Variants in KLRC1 observed in about 807,000 individuals in gnomAD.
KLRC1 encodes NKG2-A/NKG2-B type II integral membrane protein.
In KLRC1, 22 loss-of-function variants were observed where a neutral mutation model predicts 25.9. That is an observed-to-expected ratio of 0.85 (90% CI 0.61 to 1.21). KLRC1 has a LOEUF of 1.21. KLRC1 is among the 50% of genes most tolerant of loss of function. The probability of loss-of-function intolerance (pLI) is 0.00; values close to 1 mark genes in which losing one functional copy is unlikely to be tolerated. For synonymous variants in KLRC1, 77 were observed against 93.1 expected (o/e 0.83, Z 0.99); for missense variants, 240 against 272.2 (o/e 0.88, Z 0.83).
At chr12:10,445,970 TA>T (rs1344447922), downstream of KLRC1, 1 of 150,308 alleles carries the variant, frequency 6.7e-6, no homozygotes, top group African/African-American at 2.4e-5. Flanking sequence ...ATAAAGAAGC[TA>T]ATCTTTAAAA....
At chr12:10,451,991 CTT>C (rs986381504) in intron 1 of KLRC1, among the ~76,000 whole-genome samples, 8 of 151,576 alleles carry the variant, frequency 5.3e-5, no homozygotes, top group Admixed American at 3.9e-4. Flanking sequence ...ATTAAATGGT[CTT>C]TTCTTAATGG....
chr12:10,452,355 ATCATT>A (rs1158979475), intron 1 of KLRC1, among the ~76,000 whole-genome samples: 4 of 152,314 alleles, frequency 2.6e-5, no homozygotes, highest in Non-Finnish European at 5.9e-5. Flanking sequence ...ATGTAATTAA[ATCATT>A]TAGTCAATGG....
chr12:10,448,807 A>T (rs2859656), intron 5 of KLRC1, among the ~76,000 whole-genome samples: 2 of 152,378 alleles, frequency 1.3e-5, no homozygotes, highest in Non-Finnish European at 2.9e-5. Flanking sequence ...TATTTATAAC[A>T]TTAAAAGTCA....
chr12:10,443,289 C>T (rs1213676406), downstream of KLRC1, among the ~76,000 whole-genome samples: 7 of 140,350 alleles, frequency 5.0e-5, no homozygotes, highest in South Asian at 6.7e-4. Context: ...CTACTATGTA[C>T]GCACTGAAAT....
downstream of KLRC1, among the ~76,000 whole-genome samples, chr12:10,444,297 A>G (rs1863947217): frequency 6.9e-6 from 1 of 145,722 alleles, no homozygotes; most frequent in Non-Finnish European, 1.5e-5. Flanking sequence ...TAGAGAGAAC[A>G]GCAAGGCCAA....
Position 10,450,994 on chromosome 12 carries a change from T to C in KLRC1, c.163A>G (p.Asn55Asp), listed in dbSNP as rs1864113272. Residue 55 changes from asparagine to aspartate, a missense_variant, in exon 2 of 7, where the codon AAT (asparagine) becomes GAT (aspartate). Asn to Asp is a conservative substitution (Grantham distance 23). Coordinates refer to ENST00000359151, the MANE Select transcript of KLRC1 (RefSeq NM_002259.5). ...CCTTTGCAGTGATAGGTTTTGTCAT[T>C]CCCTTGAAAATCCTGAGAAGCTTTT... The part of the protein sequence containing the change: ...LQKASQDFQG[N>D]DKTYHCKDLP... The C allele has an allele frequency of 6.2e-7, 1 of 1,613,006 alleles. No homozygotes were observed. Among genetic ancestry groups the C allele is most frequent in the East Asian group, 2.2e-5 (1 of 44,860 alleles).
chr12:10,447,488 C>G, intron 6 of KLRC1, 44 bp downstream of exon 6: 1 of 1,397,438 alleles, frequency 7.2e-7, no homozygotes, highest in Non-Finnish European at 9.9e-7. Flanking sequence ...TGAATTTATC[C>G]TTTATATATA....
chr12:10,451,655 C>CA (rs5796395), intron 1 of KLRC1, among the ~76,000 whole-genome samples: 79,874 of 147,600 alleles, frequency 0.54, 23,297 homozygotes, highest in East Asian at 0.65. Flanking sequence ...GACTCCGACT[C>CA]AAAAAAAAAA....
At chr12:10,446,797 C>T in intron 6 of KLRC1, 135 bp from the exon 7 acceptor site, 1 of 1,130,526 alleles carries the variant, frequency 8.8e-7, no homozygotes, top group Non-Finnish European at 1.3e-6. Flanking sequence ...TAGTAAGAGT[C>T]ATTATTCTGA....
intron 5 of KLRC1, among the ~76,000 whole-genome samples, chr12:10,447,834 A>T (rs1380661826): frequency 6.6e-6 from 1 of 152,206 alleles, no homozygotes; most frequent in Non-Finnish European, 1.5e-5. Context: ...TTCTTGCATT[A>T]TAATAGTTAC....
downstream of KLRC1, among the ~76,000 whole-genome samples, chr12:10,445,865 T>C (rs1261499356): frequency 2.6e-5 from 4 of 152,026 alleles, no homozygotes; most frequent in African/African-American, 9.7e-5. Flanking sequence ...CTGTATGACT[T>C]CAATCCCCCA....
At chr12:10,449,810 T>C (rs997066696) in intron 4 of KLRC1, 104 bp downstream of exon 4, 5 of 925,018 alleles carry the variant, frequency 5.4e-6, no homozygotes, top group Middle Eastern at 2.3e-4. Context: ...TGAACACTTA[T>C]TGCCAAATTT....
Position 10,447,599 on chromosome 12 carries a change from T to C in KLRC1, c.523A>G (p.Ile175Val), listed in dbSNP as rs1259732955. 1 of 1,607,112 alleles carries C rather than the reference T, an allele frequency of 6.2e-7. No homozygotes were observed. The highest frequency in any genetic ancestry group is 1.1e-5 in the South Asian group (1 of 88,842). The part of the protein sequence containing the change: ...FLSIISPSSW[I>V]GVFRNSSHHP... Reference sequence around the variant, plus strand: ...TGACTGCTGTTACGAAACACACCAATCCATGAGGATGGTGAAATGATGGAC... The same window carrying C: ...TGACTGCTGTTACGAAACACACCAACCCATGAGGATGGTGAAATGATGGAC... The change falls in exon 6 of 7, where the codon ATT (isoleucine) becomes GTT (valine). Residue 175 changes from isoleucine (I) to valine (V), a missense_variant. Coordinates refer to ENST00000359151, the MANE Select transcript of KLRC1 (RefSeq NM_002259.5).
intron 1 of KLRC1, among the ~76,000 whole-genome samples, chr12:10,452,049 T>C (rs914095526): frequency 6.6e-6 from 1 of 151,794 alleles, no homozygotes; most frequent in African/African-American, 2.4e-5. Flanking sequence ...TTAAAAATTA[T>C]AAAAAATTAA....
downstream of KLRC1, among the ~76,000 whole-genome samples, chr12:10,445,541 A>G (rs182867555): frequency 6.2e-4 from 95 of 152,302 alleles, no homozygotes; most frequent in Middle Eastern, 6.8e-3. Flanking sequence ...CTTTGATTGT[A>G]CCTTCTATTC....
Position 10,449,938 on chromosome 12 carries a change from A to G in KLRC1, c.313T>C (p.Ser105Pro). ...CCTTTCTGAGTTCTTGTATTCAGGG[A>G]AGAATTGTTGTGCCTCTGTATTAAT... ...STLIQRHNNS[S>P]LNTRTQKARH... is the part of the protein sequence containing the mutation. Residue 105 changes from serine (S) to proline (P), a missense_variant, in exon 4 of 7, where the codon TCC becomes CCC. Ser to Pro is a moderately conservative substitution (Grantham distance 74, BLOSUM62 -1). Coordinates refer to ENST00000359151, the MANE Select transcript of KLRC1 (RefSeq NM_002259.5). The G allele has an allele frequency of 6.7e-7, 1 of 1,492,312 alleles. No individual in the cohort carries two copies. Among genetic ancestry groups the G allele is most frequent in the Non-Finnish European group, 8.9e-7 (1 of 1,118,018 alleles). 92.4% of individuals were successfully genotyped at this position (1,492,312 alleles called of 1,614,324 possible).
At chr12:10,446,834 T>C (rs1419943785) in intron 6 of KLRC1, among the ~76,000 whole-genome samples, 172 bp from the exon 7 acceptor site, 3 of 152,194 alleles carry the variant, frequency 2.0e-5, no homozygotes, top group African/African-American at 7.2e-5. Flanking sequence ...TCCCCCTTCA[T>C]CCACGAGGGA....
At chr12:10,448,458 C>T (rs996058873) in intron 5 of KLRC1, among the ~76,000 whole-genome samples, 3 of 152,094 alleles carry the variant, frequency 2.0e-5, no homozygotes, top group Non-Finnish European at 4.4e-5. Context: ...AGGAGACTTG[C>T]TACCAATACA....
intron 1 of KLRC1, among the ~76,000 whole-genome samples, chr12:10,452,049 TA>T (rs1171253207): frequency 2.6e-5 from 4 of 151,794 alleles, no homozygotes; most frequent in African/African-American, 7.2e-5. Context: ...TTAAAAATTA[TA>T]AAAAATTAAA....
Sources: gnomAD v4.1 joint callset for allele counts (sites outside exome capture counted in the v4.1 genomes callset) on GRCh38, gnomAD v4.1.1 for gene constraint, MANE v1.5 for transcripts, NCBI Gene and HGNC (gene_info 2026-07-23, HGNC 2026-07-21) for gene names.